Variants in B3GAT2 observed in about 807,000 individuals in gnomAD.
B3GAT2 encodes the protein beta-1,3-glucuronyltransferase 2, also known as galactosylgalactosylxylosylprotein 3-beta-glucuronosyltransferase 2.
Under a neutral mutation model 27.8 loss-of-function variants are expected in B3GAT2, and 26 were observed. The ratio of observed to expected loss-of-function variants is 0.93; its 90% CI spans 0.68 to 1.30. The LOEUF (loss-of-function observed/expected upper bound fraction) is 1.30, where lower values mean the gene tolerates loss of function less well. Ranked by LOEUF, B3GAT2 falls within the 50% of genes most tolerant of loss-of-function variation. B3GAT2 has a pLI of 0.00. For missense variants in B3GAT2, 458 were observed against 459.0 expected (o/e 1.00, Z 0.02); for synonymous variants, 218 against 195.1 (o/e 1.12, Z -0.98).
intron 1 of B3GAT2, among the ~76,000 whole-genome samples, chr6:70,950,289 A>C (rs1207461109): frequency 1.4e-5 from 1 of 73,102 alleles, no homozygotes; most frequent in East Asian, 3.2e-4. Flanking sequence ...ATTTTCTTGC[A>C]AAAAAAAAAA....
intron 1 of B3GAT2, among the ~76,000 whole-genome samples, chr6:70,938,377 T>C (rs1765331861): frequency 6.6e-6 from 1 of 150,764 alleles, no homozygotes; most frequent in African/African-American, 2.4e-5. Flanking sequence ...TACCAATGAC[T>C]TTCTTCACAG....
intron 1 of B3GAT2, among the ~76,000 whole-genome samples, chr6:70,932,267 A>C (rs1773073897): frequency 6.6e-6 from 1 of 152,204 alleles, no homozygotes; most frequent in Non-Finnish European, 1.5e-5. Flanking sequence ...ACATAGAAGT[A>C]CCATTGTGTC....
At chr6:70,942,794 ATGAAGTT>A (rs1374940478) in intron 1 of B3GAT2, among the ~76,000 whole-genome samples, 3 of 152,186 alleles carry the variant, frequency 2.0e-5, no homozygotes, top group African/African-American at 7.2e-5. Flanking sequence ...TCTGAATAGG[ATGAAGTT>A]TGAGCTCAGG....
At chr6:70,901,158 G>C (rs1471357811) in intron 1 of B3GAT2, among the ~76,000 whole-genome samples, 1 of 152,164 alleles carries the variant, frequency 6.6e-6, no homozygotes, top group Admixed American at 6.5e-5. Context: ...TTTGGAACAA[G>C]CTTGAAAATG....
At chr6:70,954,379 G>C (rs1397958068) in intron 1 of B3GAT2, among the ~76,000 whole-genome samples, 1 of 152,186 alleles carries the variant, frequency 6.6e-6, no homozygotes, top group African/African-American at 2.4e-5. Context: ...TACAGTGAAA[G>C]GATGGAAAAG....
chr6:70,870,404 G>A (rs1582340999), intron 2 of B3GAT2, among the ~76,000 whole-genome samples: 1 of 112,004 alleles, frequency 8.9e-6, no homozygotes, highest in African/African-American at 3.4e-5. Flanking sequence ...GGTGGGGGGA[G>A]GGGGGAGGGA....
intron 2 of B3GAT2, among the ~76,000 whole-genome samples, chr6:70,873,951 C>T (rs1223175394): frequency 1.3e-5 from 2 of 151,988 alleles, no homozygotes; most frequent in Non-Finnish European, 2.9e-5. Context: ...ACATCATTCT[C>T]CCATTTTTCT....
Position 70,858,191 on chromosome 6 carries a change from C to CT in B3GAT2, c.*3471dup, listed in dbSNP as rs1477501939. 1 of 1,613,508 alleles carries CT rather than the reference C, an allele frequency of 6.2e-7. No homozygotes were observed. Among genetic ancestry groups the CT allele is most frequent in the Non-Finnish European group, 8.5e-7 (1 of 1,179,934 alleles). On this transcript the variant is annotated 3_prime_UTR_variant, in exon 4 of 4. Transcript: ENST00000230053. ...GGGTGCACCCCAGAGTAAGTTTGGCCTGCCGCAAGCTCAGCAGCCCCAGTG... is the reference window on the plus strand; with the variant it reads ...GGGTGCACCCCAGAGTAAGTTTGGCCTTGCCGCAAGCTCAGCAGCCCCAGTG...
intron 2 of B3GAT2, among the ~76,000 whole-genome samples, chr6:70,863,568 G>A (rs1771800659): frequency 6.6e-6 from 1 of 152,096 alleles, no homozygotes; most frequent in Admixed American, 6.5e-5. Context: ...TTTTTGCCTA[G>A]GTCCCTGCCC....
intron 1 of B3GAT2, among the ~76,000 whole-genome samples, chr6:70,939,945 C>T (rs1290850922): frequency 6.6e-6 from 1 of 151,678 alleles, no homozygotes; most frequent in African/African-American, 2.4e-5. Context: ...TAAAAAATAT[C>T]CCAGAGGGTT....
chr6:70,891,647 T>C (rs1489314725), intron 2 of B3GAT2, among the ~76,000 whole-genome samples: 1 of 152,194 alleles, frequency 6.6e-6, no homozygotes, highest in African/African-American at 2.4e-5. Context: ...ATTTGGGCTC[T>C]TAATCCGCTT....
chr6:70,894,409 T>G (rs1487799371), intron 1 of B3GAT2, 137 bp from the exon 2 acceptor site: 16 of 960,788 alleles, frequency 1.7e-5, no homozygotes, highest in Non-Finnish European at 1.9e-5. Flanking sequence ...ACAGAATCCT[T>G]CTGCTGCTAG....
At chr6:70,886,975 G>T (rs1772198715) in intron 2 of B3GAT2, among the ~76,000 whole-genome samples, 1 of 152,110 alleles carries the variant, frequency 6.6e-6, no homozygotes, top group African/African-American at 2.4e-5. Context: ...AAAGTCCCAA[G>T]CTGGTCCCTA....
chr6:70,925,343 G>A (rs1029370141), intron 1 of B3GAT2, among the ~76,000 whole-genome samples: 9 of 152,174 alleles, frequency 5.9e-5, no homozygotes, highest in African/African-American at 1.7e-4. Context: ...AAAGTAGGGC[G>A]GGGCATCACC....
rs372026296 is a variant in B3GAT2 at position 70,860,345 on chromosome 6, A to G, written c.*1318T>C. 18 of 1,601,824 alleles carry G rather than the reference A, an allele frequency of 1.1e-5. No homozygotes were observed. The African/African-American group carries it at 1.6e-4, about 14-fold the overall frequency. On this transcript the variant is annotated 3_prime_UTR_variant, in exon 4 of 4. Coordinates refer to ENST00000230053, the MANE Select transcript of B3GAT2 (RefSeq NM_080742.3). ...CAACTGTGGAAATGAAAACTGCAAT[A>G]CAAGTTTCATCCAGAACTACCACCT... is the stretch of plus-strand genomic sequence containing the variant.
chr6:70,889,552 A>G (rs919155853), intron 2 of B3GAT2, among the ~76,000 whole-genome samples: 2 of 152,170 alleles, frequency 1.3e-5, no homozygotes, highest in African/African-American at 4.8e-5. Context: ...AGACAAGTAT[A>G]ACCAGGTGCA....
rs149204081 is a variant in B3GAT2 at position 70,899,195 on chromosome 6, T to C, written c.592-4923A>G. Among the ~76,000 whole-genome samples the C allele has an allele frequency of 4.0e-3, 603 of 152,288 alleles. 5 individuals carry two copies. Among genetic ancestry groups the C allele is most frequent in the African/African-American group, 0.014 (578 of 41,562 alleles). ...GGGAATTAAAAAGAATAATAAACTA[T>C]ACCTGTGGGACCACTAGAACAATTA... On this transcript the variant is annotated intron_variant, in intron 1 of 3. Coordinates refer to ENST00000230053, the MANE Select transcript of B3GAT2 (RefSeq NM_080742.3).
chr6:70,879,956 G>A (rs1006724067), intron 2 of B3GAT2, among the ~76,000 whole-genome samples: 1 of 152,102 alleles, frequency 6.6e-6, no homozygotes, highest in South Asian at 2.1e-4. Flanking sequence ...GAAGTGCAAG[G>A]GGAGCTGCAG....
At chr6:70,952,004 G>T (rs1054891832) in intron 1 of B3GAT2, among the ~76,000 whole-genome samples, 1 of 152,152 alleles carries the variant, frequency 6.6e-6, no homozygotes, top group Middle Eastern at 3.4e-3. Context: ...TACTATTTAG[G>T]GGGGAAAGGG....
Sources: gnomAD v4.1 joint callset for allele counts (sites outside exome capture counted in the v4.1 genomes callset) on GRCh38, gnomAD v4.1.1 for gene constraint, MANE v1.5 for transcripts, NCBI Gene and HGNC (gene_info 2026-07-23, HGNC 2026-07-21) for gene names.